Variants in ESR2 observed in about 807,000 individuals in gnomAD.
ESR2 encodes estrogen receptor beta.
Under a neutral mutation model 49.6 loss-of-function variants are expected in ESR2, and 36 were observed. The ratio of observed to expected loss-of-function variants is 0.73; its 90% confidence interval spans 0.56 to 0.96. ESR2 has a LOEUF of 0.96. Among genes scored for constraint, ESR2 ranks in the 40% least tolerant of loss-of-function variants. The probability of loss-of-function intolerance (pLI) is 0.00; values close to 1 mark genes in which losing one functional copy is unlikely to be tolerated. For synonymous variants in ESR2, 320 were observed against 266.1 expected (o/e 1.20, Z -1.97); for missense variants, 714 against 693.0 (o/e 1.03, Z -0.34).
Position 64,282,838 on chromosome 14 carries a change from T to C in ESR2, c.148A>G (p.Ser50Gly). The change falls in exon 2 of 9, where the codon AGC becomes GGC. Residue 50 changes from serine to glycine, a missense_variant. By Grantham distance (56) the Ser-to-Gly change is moderately conservative. Coordinates refer to ENST00000341099, the MANE Select transcript of ESR2 (RefSeq NM_001437.3). ...HHEYPAMTFY[S>G]PAVMNYSIPS... is the part of the protein sequence containing the mutation. The stretch of plus-strand genomic sequence containing the variant: ...ATGCTGTAATTCATCACAGCAGGGC[T>C]ATAGAATGTCATGGCTGGATATTCA... The C allele has an allele frequency of 6.2e-7, 1 of 1,614,236 alleles. No homozygotes were observed. Among genetic ancestry groups the C allele is most frequent in the Non-Finnish European group, 8.5e-7 (1 of 1,180,028 alleles).
At chr14:64,285,231 T>C (rs1349116313) in intron 1 of ESR2, among the ~76,000 whole-genome samples, 13 of 152,196 alleles carry the variant, frequency 8.5e-5, no homozygotes, top group Non-Finnish European at 1.6e-4. Context: ...TCCAGATCCA[T>C]AGAGTTGTCA....
chr14:64,298,485 CT>C (rs1318170423), upstream of ESR2: 2 of 152,188 alleles, frequency 1.3e-5, no homozygotes, highest in Non-Finnish European at 2.9e-5. Flanking sequence ...AGCCCAGATA[CT>C]GTTGAATGAA....
chr14:64,255,276 A>G (rs747892649), intron 6 of ESR2, among the ~76,000 whole-genome samples: 11 of 152,142 alleles, frequency 7.2e-5, no homozygotes, highest in African/African-American at 9.7e-5. Context: ...AAGGAAAATT[A>G]TATGTGTATA....
At chr14:64,317,076 C>G (rs958956170) in intron 1 of ESR2, among the ~76,000 whole-genome samples, 10 of 152,016 alleles carry the variant, frequency 6.6e-5, no homozygotes, top group African/African-American at 2.2e-4. Flanking sequence ...ACCAACCTGA[C>G]CAACATGGTG....
chr14:64,290,037 C>G (rs2140842417), intron 1 of ESR2, among the ~76,000 whole-genome samples: 1 of 152,232 alleles, frequency 6.6e-6, no homozygotes, highest in South Asian at 2.1e-4. Context: ...CAACAAGCAT[C>G]CTTGATGTGC....
In ESR2 at chr14:64,249,545, C is replaced by G; in HGVS notation, c.1225+1G>C. On this transcript the variant is annotated splice_donor_variant, in intron 7 of 8. Coordinates refer to ENST00000341099, the MANE Select transcript of ESR2 (RefSeq NM_001437.3). LOFTEE classifies it high-confidence loss of function. Reference sequence around the variant, plus strand: ...CATGGCCCAGCTGTGTGATTACTTACTGGAATTGAGCAGGATCATGGCCTT... The same window carrying G: ...CATGGCCCAGCTGTGTGATTACTTAGTGGAATTGAGCAGGATCATGGCCTT... 1 of 1,613,344 alleles carries G rather than the reference C, an allele frequency of 6.2e-7. No individual in the cohort carries two copies. The highest frequency in any genetic ancestry group is 8.5e-7 in the Non-Finnish European group (1 of 1,179,808).
chr14:64,337,472 CAGA>C (rs1490862178), intron 1 of ESR2: 1 of 152,144 alleles, frequency 6.6e-6, no homozygotes, highest in Non-Finnish European at 1.5e-5. Context: ...TGGACATTTT[CAGA>C]AGCTCTTATA....
chr14:64,260,149 A>G (rs1356420875), intron 5 of ESR2: 2 of 617,730 alleles, frequency 3.2e-6, no homozygotes, highest in South Asian at 1.4e-5. Context: ...TAGCCATGGG[A>G]AAAGAAGGCA....
upstream of ESR2, among the ~76,000 whole-genome samples, chr14:64,296,276 GAC>G (rs2076956786): frequency 6.6e-6 from 1 of 152,084 alleles, no homozygotes; most frequent in Non-Finnish European, 1.5e-5. Context: ...GTGAGATATT[GAC>G]TCCACTTTTC....
chr14:64,284,102 AT>A (rs1248118721), intron 1 of ESR2, among the ~76,000 whole-genome samples: 1 of 151,444 alleles, frequency 6.6e-6, no homozygotes. Flanking sequence ...AATTTGTTGT[AT>A]TTTTTAGTAG....
At chr14:64,257,874 A>C (rs2076135738) in intron 5 of ESR2, among the ~76,000 whole-genome samples, 1 of 152,114 alleles carries the variant, frequency 6.6e-6, no homozygotes, top group South Asian at 2.1e-4. Context: ...AAAATTTCCT[A>C]TCCAGTGTTA....
chr14:64,226,713 G>GTCTC (rs1555567299), downstream of ESR2: 1 of 52,394 alleles, frequency 1.9e-5, no homozygotes, highest in African/African-American at 2.1e-4. Flanking sequence ...TTTTGACAGA[G>GTCTC]TCTCACTCTG....
chr14:64,234,889 CT>C, intron 8 of ESR2, 80 bp downstream of exon 8: 1 of 1,561,858 alleles, frequency 6.4e-7, no homozygotes, highest in South Asian at 1.2e-5. Flanking sequence ...CTTGCAGACA[CT>C]TTTCCCAAAT....
At chr14:64,334,493 T>C (rs1253149043) in intron 1 of ESR2, among the ~76,000 whole-genome samples, 2 of 152,172 alleles carry the variant, frequency 1.3e-5, no homozygotes, top group African/African-American at 4.8e-5. Context: ...GAGTGAATGA[T>C]CGAAGAGAGA....
intron 1 of ESR2, among the ~76,000 whole-genome samples, chr14:64,332,017 T>C (rs1327823913): frequency 1.3e-5 from 2 of 152,278 alleles, no homozygotes; most frequent in East Asian, 3.9e-4. Context: ...TTTGAAACTG[T>C]GCTTAGAAGA....
At chr14:64,234,772 A>T in intron 8 of ESR2, 198 bp downstream of exon 8, 3 of 1,230,144 alleles carry the variant, frequency 2.4e-6, no homozygotes, top group Non-Finnish European at 3.3e-6. Context: ...CAGAGCCTGT[A>T]AGATACCACA....
intron 6 of ESR2, among the ~76,000 whole-genome samples, chr14:64,250,807 C>A (rs1244223651): frequency 6.6e-6 from 1 of 152,192 alleles, no homozygotes; most frequent in Admixed American, 6.5e-5. Context: ...AGAAGTCTTT[C>A]CCATTACCTG....
Position 64,230,764 on chromosome 14 carries a change from T to C in ESR2, c.*2373A>G, listed in dbSNP as rs553674499. Among the ~76,000 whole-genome samples, 3 of 151,364 alleles carry C rather than the reference T, an allele frequency of 2.0e-5. No individual in the cohort carries two copies. In the South Asian group the frequency reaches 6.3e-4, roughly 32 times the overall value. On this transcript the variant is annotated 3_prime_UTR_variant, in exon 9 of 9. Transcript: ENST00000341099. Reference sequence around the variant, plus strand: ...CTGGAAACTCACTGTGCGGCGCTCCTGATACTGCCCACTCGAGGCTCTAAA... The same window carrying C: ...CTGGAAACTCACTGTGCGGCGCTCCCGATACTGCCCACTCGAGGCTCTAAA...
Position 64,336,954 on chromosome 14 carries a change from T to TA in ESR2, c.-91+943dup, listed in dbSNP as rs533357912. Among the ~76,000 whole-genome samples, 12 of 152,180 alleles carry TA rather than the reference T, an allele frequency of 7.9e-5. No individual in the cohort carries two copies. The South Asian group carries it at 1.9e-3, about 24-fold the overall frequency. On this transcript the variant is annotated intron_variant, in intron 1 of 8. Coordinates refer to the ESR2 transcript ENST00000358599. ...TTCCTTGCCCTTTTAATTTACCTAT[T>TA]AAAAAAATAGATGAATCTCTAAAAC...
Sources: allele counts gnomAD v4.1 joint callset (sites outside exome capture counted in the v4.1 genomes callset), GRCh38; gene constraint gnomAD v4.1.1; transcripts MANE v1.5; gene names NCBI Gene and HGNC (gene_info 2026-07-23, HGNC 2026-07-21).